EHMT1: variants seen among roughly 807,000 people sequenced by gnomAD.
The protein encoded by EHMT1 is euchromatic histone lysine methyltransferase 1.
Under a neutral mutation model 147.2 loss-of-function variants are expected in EHMT1, and 15 were observed. That is an observed-to-expected ratio of 0.10 (90% CI 0.07 to 0.16). The LOEUF (loss-of-function observed/expected upper bound fraction) is 0.16. EHMT1 is among the 10% of genes least tolerant of loss of function. The pLI is 1.00. For missense variants in EHMT1, 1,587 were observed against 1,772.4 expected (o/e 0.90, Z 1.88); for synonymous variants, 795 against 709.6 (o/e 1.12, Z -1.91).
chr9:137,619,064 CGGCGGGGGGCGGCGCGGG>C lies in EHMT1; in HGVS notation c.21+21_21+38del. 1 of 856,720 alleles carries C rather than the reference CGGCGGGGGGCGGCGCGGG, an allele frequency of 1.2e-6. No individual in the cohort carries two copies. The highest frequency in any genetic ancestry group is 1.4e-6 in the Non-Finnish European group (1 of 715,396). 53.1% of individuals were successfully genotyped at this position (856,720 alleles called of 1,614,324 possible). A position where few individuals can be genotyped will look rare whatever the true frequency, so the allele number is the denominator to read the frequency against. On this transcript the variant is annotated intron_variant, in intron 1 of 26. Transcript: ENST00000460843. ...CCGATGCCGAGGTGAGCAGCGGGGCCGGCGGGGGGCGGCGCGGGGGCGGCGGGCAGCGGCGGAGGCGGC... is the reference window on the plus strand; with the variant it reads ...CCGATGCCGAGGTGAGCAGCGGGGCCGGCGGCGGGCAGCGGCGGAGGCGGC...
chr9:137,753,217 T>C (rs1949113518), intron 7 of EHMT1, among the ~76,000 whole-genome samples: 1 of 151,898 alleles, frequency 6.6e-6, no homozygotes, highest in Non-Finnish European at 1.5e-5. Flanking sequence ...ACAGGAGAAG[T>C]GGCTCACGGT....
At chr9:137,670,379 C>G (rs959531667) in intron 1 of EHMT1, among the ~76,000 whole-genome samples, 7 of 152,140 alleles carry the variant, frequency 4.6e-5, no homozygotes, top group African/African-American at 1.7e-4. Context: ...CTTGGCTAGT[C>G]CCCTCTCCTG....
chr9:137,680,653 C>G (rs1941850515), intron 1 of EHMT1, among the ~76,000 whole-genome samples: 1 of 152,212 alleles, frequency 6.6e-6, no homozygotes, highest in Non-Finnish European at 1.5e-5. Context: ...GTTTTCTTAG[C>G]AACCATGGCA....
At chr9:137,830,612 C>T (rs1956125339) in intron 25 of EHMT1, among the ~76,000 whole-genome samples, 1 of 152,024 alleles carries the variant, frequency 6.6e-6, no homozygotes, top group African/African-American at 2.4e-5. Flanking sequence ...AGTCCAGCTC[C>T]CGGATGGCAT....
rs560859907 is a variant in EHMT1, at chr9:137,833,910, T to C, written c.3541-439T>C. Among the ~76,000 whole-genome samples, 3 of 152,336 alleles carry C rather than the reference T, an allele frequency of 2.0e-5. No homozygotes were observed. The South Asian group carries it at 6.2e-4, about 32-fold the overall frequency. The stretch of plus-strand genomic sequence containing the variant: ...CCGCCTCCTCGTCACCAAGACAGTG[T>C]GTCCCGGATGCCAGCTCCATCCCTC... On this transcript the variant is annotated intron_variant, in intron 25 of 26. Transcript: ENST00000460843.
chr9:137,669,221 G>C (rs145659501), intron 1 of EHMT1, among the ~76,000 whole-genome samples: 2 of 151,946 alleles, frequency 1.3e-5, no homozygotes, highest in African/African-American at 4.8e-5. Context: ...TTCATGTCTC[G>C]TCTTCCCTCT....
At position 137,675,802 on chromosome 9, in the gene EHMT1, T is replaced by TTTTTTTTTG. The variant is rs35541714; in HGVS notation, c.22-35165_22-35164insTTTTTTTTG. On this transcript the variant is annotated intron_variant, in intron 1 of 26. Coordinates refer to ENST00000460843, the MANE Select transcript of EHMT1 (RefSeq NM_024757.5). ...TAATTTTTTTTTTTTTTTTTTTTTTTAGACGGAGTCTCGCTCTGTCGCCCA... is the reference window on the plus strand; with the variant it reads ...TAATTTTTTTTTTTTTTTTTTTTTTTTTTTTTTTGAGACGGAGTCTCGCTCTGTCGCCCA... 2.0e-4 allele frequency among the ~76,000 whole-genome samples: 21 copies of TTTTTTTTTG among 104,734 alleles called. 2 individuals carry two copies. Among genetic ancestry groups the TTTTTTTTTG allele is most frequent in the African/African-American group, 8.0e-4 (19 of 23,812 alleles). The allele number at this position is 104,734 out of a possible 152,430, so 68.7% of individuals were successfully genotyped here.
intron 10 of EHMT1, among the ~76,000 whole-genome samples, chr9:137,766,909 T>C (rs1283693481): frequency 6.6e-6 from 1 of 152,088 alleles, no homozygotes; most frequent in East Asian, 1.9e-4. Context: ...CCTCCACCTT[T>C]GGGGCTCAGG....
intron 12 of EHMT1, chr9:137,777,067 T>A: frequency 1.9e-6 from 1 of 535,594 alleles, no homozygotes; most frequent in East Asian, 3.3e-5. Flanking sequence ...TTGCCTGTTT[T>A]GAACCGGTTT....
intron 15 of EHMT1, 71 bp from the exon 16 acceptor site, chr9:137,790,777 G>A (rs1365829509): frequency 1.9e-6 from 3 of 1,612,134 alleles, no homozygotes; most frequent in South Asian, 2.2e-5. Context: ...GTGGAAGCTT[G>A]TAAGTCACTT....
At chr9:137,713,325 A>C (rs1944915340) in intron 2 of EHMT1, among the ~76,000 whole-genome samples, 1 of 139,964 alleles carries the variant, frequency 7.1e-6, no homozygotes, top group Non-Finnish European at 1.5e-5. Flanking sequence ...GCTGGAGTGC[A>C]GTGGCACGAT....
intron 10 of EHMT1, among the ~76,000 whole-genome samples, chr9:137,771,197 CTTT>C (rs1189483493): frequency 0.048 from 5,040 of 105,788 alleles, 307 homozygotes; most frequent in African/African-American, 0.18. Context: ...TCTTCCATGT[CTTT>C]TTTTTTTTTT....
Position 137,746,878 on chromosome 9 carries a change from A to G in EHMT1, c.1170+2788A>G, listed in dbSNP as rs550044462. 9 of 152,368 alleles carry G rather than the reference A, an allele frequency of 5.9e-5. No individual in the cohort carries two copies. The South Asian group carries it at 1.9e-3, about 32-fold the overall frequency. 9.4% of individuals were successfully genotyped at this position (152,368 alleles called of 1,614,324 possible). Reference sequence around the variant, plus strand: ...CATCTTCTAGAGGAACTGGACACTGAATAACTCTAGGTATTTGTCATAAAG... The same window carrying G: ...CATCTTCTAGAGGAACTGGACACTGGATAACTCTAGGTATTTGTCATAAAG... On this transcript the variant is annotated intron_variant, in intron 6 of 26. Transcript: ENST00000460843.
chr9:137,774,372 G>A (rs1307208034), intron 10 of EHMT1, among the ~76,000 whole-genome samples: 3 of 149,942 alleles, frequency 2.0e-5, no homozygotes, highest in Admixed American at 2.0e-4. Context: ...GTGTGGGCAC[G>A]CCTGGCTCCC....
chr9:137,743,050 A>G, intron 4 of EHMT1: 1 of 370,784 alleles, frequency 2.7e-6, no homozygotes, highest in South Asian at 2.3e-5. Context: ...TGGGAGGAGG[A>G]GTCGCTTCAG....
At chr9:137,635,585 C>T (rs1303729447) in intron 1 of EHMT1, among the ~76,000 whole-genome samples, 2 of 151,272 alleles carry the variant, frequency 1.3e-5, no homozygotes, top group Non-Finnish European at 2.9e-5. Context: ...CTTTGGGAGG[C>T]CGAGGTGGGT....
chr9:137,722,937 TG>T lies in EHMT1; in HGVS notation c.643-5410del, dbSNP rs1327615062. On this transcript the variant is annotated intron_variant, in intron 3 of 26. Coordinates refer to ENST00000460843, the MANE Select transcript of EHMT1 (RefSeq NM_024757.5). ...TGAGCCCGGGGTGTGTCTGTGTCTG[TG>T]GTTCTGGGCCTGAGCCGGGGGTGTG... 3.3e-3 allele frequency among the ~76,000 whole-genome samples: 425 copies of T among 129,496 alleles called. 94 individuals are homozygous for T. Among genetic ancestry groups the T allele is most frequent in the African/African-American group, 0.013 (396 of 30,972 alleles). 85.0% of individuals were successfully genotyped at this position (129,496 alleles called of 152,430 possible).
chr9:137,669,439 C>G (rs1368515652), intron 1 of EHMT1, among the ~76,000 whole-genome samples: 29 of 151,230 alleles, frequency 1.9e-4, no homozygotes, highest in African/African-American at 7.1e-4. Context: ...AGACGCCGCC[C>G]ACAGCACGTG....
intron 1 of EHMT1, among the ~76,000 whole-genome samples, chr9:137,689,070 G>A (rs890640980): frequency 3.3e-5 from 5 of 152,092 alleles, no homozygotes; most frequent in Admixed American, 2.6e-4. Context: ...GTGACTGCTT[G>A]TTCTCCATCC....
Sources: allele counts gnomAD v4.1 joint callset (sites outside exome capture counted in the v4.1 genomes callset), GRCh38; gene constraint gnomAD v4.1.1; transcripts MANE v1.5; gene names NCBI Gene and HGNC (gene_info 2026-07-23, HGNC 2026-07-21).